The following KAZN variants were observed in gnomAD, a reference collection of about 807,000 sequenced individuals.
KAZN encodes the protein kazrin.
A neutral mutation model predicts 87.4 loss-of-function variants in KAZN; 40 were observed. That is an observed-to-expected ratio of 0.46 (90% CI 0.36 to 0.60). KAZN has a LOEUF of 0.60. Ranked by LOEUF, KAZN falls within the 20% of genes least tolerant of loss-of-function variation. The pLI is 0.00. For synonymous variants in KAZN, 466 were observed against 458.3 expected (o/e 1.02, Z -0.22); for missense variants, 898 against 1,073.9 (o/e 0.84, Z 2.29).
chr1:14,405,363 T>C (rs763159912), intron 2 of KAZN, among the ~76,000 whole-genome samples: 11 of 152,162 alleles, frequency 7.2e-5, no homozygotes, highest in African/African-American at 1.2e-4. Context: ...AGAAATCATA[T>C]AGATTTTCAG....
intron 2 of KAZN, among the ~76,000 whole-genome samples, chr1:14,480,826 C>T (rs1042198581): frequency 1.4e-5 from 2 of 144,814 alleles, no homozygotes; most frequent in African/African-American, 2.5e-5. Flanking sequence ...ATAAATTATA[C>T]CAAGGAAACA....
Position 15,066,447 on chromosome 1 carries a change from A to G in KAZN, c.1222+694A>G. 3.0e-6 allele frequency: 3 copies of G among 985,222 alleles called. No individual in the cohort carries two copies. The highest frequency in any genetic ancestry group is 9.4e-5 in the South Asian group (2 of 21,278). The allele number at this position is 985,222 out of a possible 1,614,324, so 61.0% of individuals were successfully genotyped here. ...TCAGGGTAAGCTCTGCTCTCTACAAAGACTCGCGAGCCGGGCCAAGGGGCC... is the reference window on the plus strand; with the variant it reads ...TCAGGGTAAGCTCTGCTCTCTACAAGGACTCGCGAGCCGGGCCAAGGGGCC... On this transcript the variant is annotated intron_variant, in intron 8 of 14. Transcript: ENST00000376030. The surrounding 1 kb of genome is among the most constrained non-coding windows in gnomAD (Gnocchi z 4.3).
chr1:14,575,617 G>T (rs1209146001), intron 2 of KAZN, among the ~76,000 whole-genome samples: 1 of 152,132 alleles, frequency 6.6e-6, no homozygotes. Flanking sequence ...TGAGGAGGCT[G>T]TTGCAGTCAT....
intron 1 of KAZN, among the ~76,000 whole-genome samples, chr1:14,055,924 G>A (rs1642533998): frequency 6.6e-6 from 1 of 152,104 alleles, no homozygotes; most frequent in African/African-American, 2.4e-5. Flanking sequence ...TCCCCACCAG[G>A]GTCTTAATCG....
At chr1:14,280,946 CACACAGGCAGT>C (rs2100714830) in intron 2 of KAZN, among the ~76,000 whole-genome samples, 1 of 152,326 alleles carries the variant, frequency 6.6e-6, no homozygotes, top group Non-Finnish European at 1.5e-5. Context: ...TGTCCAAGGT[CACACAGGCAGT>C]ACACAGCCAG....
intron 2 of KAZN, among the ~76,000 whole-genome samples, chr1:14,992,189 A>G (rs1667425582): frequency 1.3e-5 from 2 of 152,098 alleles, no homozygotes; most frequent in East Asian, 1.9e-4. Context: ...AGAATCACAC[A>G]TGTCCCTACC....
intron 2 of KAZN, among the ~76,000 whole-genome samples, chr1:14,373,198 A>AATATATATATATATATAT (rs58491688): frequency 1.8e-3 from 264 of 149,068 alleles, no homozygotes; most frequent in African/African-American, 3.9e-3. Context: ...TGAAAAACTG[A>AATATATATATATATATAT]ATATATATAT....
At chr1:14,921,900 C>T (rs976533527) in intron 1 of KAZN, among the ~76,000 whole-genome samples, 4 of 152,130 alleles carry the variant, frequency 2.6e-5, no homozygotes, top group East Asian at 1.9e-4. Context: ...TTAGTAGAGA[C>T]GGGGTTTCAC....
At chr1:14,468,649 G>C (rs1305885016) in intron 2 of KAZN, among the ~76,000 whole-genome samples, 1 of 152,178 alleles carries the variant, frequency 6.6e-6, no homozygotes, top group East Asian at 1.9e-4. Flanking sequence ...ATGAACATTA[G>C]AATCAAAGCT....
At position 14,801,814 on chromosome 1, in the gene KAZN, G is replaced by A. The variant is rs369601306; in HGVS notation, c.227-158870G>A. On this transcript the variant is annotated intron_variant, in intron 1 of 14. Transcript: ENST00000376030. ...TTCTCCTTCCTCAGCTTCCTGAGTAGCTGGGACTACAGGCACCCGCCATCA... is the reference window on the plus strand; with the variant it reads ...TTCTCCTTCCTCAGCTTCCTGAGTAACTGGGACTACAGGCACCCGCCATCA... Among the ~76,000 whole-genome samples the A allele has an allele frequency of 4.6e-5, 7 of 151,796 alleles. 1 individual carries two copies. The highest frequency in any genetic ancestry group is 3.3e-4 in the Admixed American group (5 of 15,270).
intron 1 of KAZN, among the ~76,000 whole-genome samples, chr1:14,823,943 G>A (rs538942798): frequency 7.2e-5 from 11 of 152,126 alleles, no homozygotes; most frequent in South Asian, 2.1e-4. Flanking sequence ...GTGAAACCCC[G>A]TCTCTACTAA....
intron 2 of KAZN, among the ~76,000 whole-genome samples, chr1:14,414,633 T>C (rs558082210): frequency 2.0e-5 from 3 of 152,036 alleles, no homozygotes; most frequent in African/African-American, 4.8e-5. Flanking sequence ...TGTGTGTATG[T>C]GTGTGTGTGT....
At chr1:14,837,951 C>T (rs1207001774) in intron 1 of KAZN, among the ~76,000 whole-genome samples, 1 of 152,154 alleles carries the variant, frequency 6.6e-6, no homozygotes. Flanking sequence ...TAATCATAAA[C>T]AATGCTGCTG....
chr1:14,447,086 G>A (rs946700419), intron 2 of KAZN, among the ~76,000 whole-genome samples: 1 of 151,870 alleles, frequency 6.6e-6, no homozygotes, highest in Admixed American at 6.6e-5. Context: ...AGTTCGCAGT[G>A]TGTAATGTTC....
At chr1:15,005,934 C>T (rs1029293891) in intron 2 of KAZN, among the ~76,000 whole-genome samples, 54 of 152,156 alleles carry the variant, frequency 3.5e-4, no homozygotes, top group Admixed American at 9.2e-4. Flanking sequence ...TTTTGTTTCC[C>T]GTGTGCCTTA....
intron 1 of KAZN, among the ~76,000 whole-genome samples, chr1:14,687,404 A>G (rs1236690706): frequency 1.3e-5 from 2 of 152,190 alleles, no homozygotes; most frequent in African/African-American, 4.8e-5. Flanking sequence ...CAGAGAGGGG[A>G]CAGCTTCTGC....
rs115343677 is a variant in KAZN at position 14,659,448 on chromosome 1, A to G, written c.226+60225A>G. On this transcript the variant is annotated intron_variant, in intron 1 of 14. Transcript: ENST00000376030. ...GGAAGTATTGGGAAGATAAGGGAAT[A>G]AAAATCATCACTTACCTAGCCTCTC... 9.9e-3 allele frequency among the ~76,000 whole-genome samples: 1,506 copies of G among 152,212 alleles called. 15 individuals carry two copies. The highest frequency in any genetic ancestry group is 0.017 in the Non-Finnish European group (1,131 of 68,006).
At position 14,413,521 on chromosome 1, in the gene KAZN, G is replaced by A. The variant is rs532238794; in HGVS notation, c.250-185462G>A. 8.7e-5 allele frequency among the ~76,000 whole-genome samples: 13 copies of A among 150,254 alleles called. No individual in the cohort carries two copies. In the South Asian group the frequency reaches 2.3e-3, roughly 27 times the overall value. ...AGGAGAATGGCGTGAAACCGGAGGCGGAGCTTGCAGTGAGCCGAGATCGCG... is the reference window on the plus strand; with the variant it reads ...AGGAGAATGGCGTGAAACCGGAGGCAGAGCTTGCAGTGAGCCGAGATCGCG... On this transcript the variant is annotated intron_variant, in intron 2 of 16. Coordinates refer to the KAZN transcript ENST00000636203.
At chr1:14,274,788 C>G (rs532248382) in intron 2 of KAZN, among the ~76,000 whole-genome samples, 1 of 152,194 alleles carries the variant, frequency 6.6e-6, no homozygotes, top group East Asian at 1.9e-4. Context: ...ACACACATCA[C>G]AGCATGGGAT....
Sources: gnomAD v4.1 joint callset for allele counts (sites outside exome capture counted in the v4.1 genomes callset) on GRCh38, gnomAD v4.1.1 for gene constraint, Gnocchi (gnomAD v3.1) non-coding constraint, MANE v1.5 for transcripts, NCBI Gene and HGNC (gene_info 2026-07-23, HGNC 2026-07-21) for gene names.